PDGFC: variants seen among roughly 807,000 people sequenced by gnomAD.
The protein encoded by PDGFC is platelet-derived growth factor C.
In PDGFC, 12 loss-of-function variants were observed where a neutral mutation model predicts 35.5. That is an observed-to-expected ratio of 0.34 (90% confidence interval 0.22 to 0.55). PDGFC has a LOEUF of 0.55. Among genes scored for constraint, PDGFC ranks in the 20% least tolerant of loss-of-function variants. PDGFC has a pLI of 0.91. For synonymous variants in PDGFC, 159 were observed against 148.8 expected (o/e 1.07, Z -0.50); for missense variants, 322 against 412.4 (o/e 0.78, Z 1.90).
chr4:156,912,707 G>T (rs1352715316), intron 1 of PDGFC, among the ~76,000 whole-genome samples: 10 of 151,764 alleles, frequency 6.6e-5, no homozygotes, highest in Admixed American at 6.6e-4. Context: ...TCTTAAGGGA[G>T]AAAATGGGAA....
intron 1 of PDGFC, among the ~76,000 whole-genome samples, chr4:156,966,102 A>G (rs1344843858): frequency 2.0e-5 from 3 of 152,334 alleles, no homozygotes; most frequent in African/African-American, 7.2e-5. Context: ...ACTGGTGCAT[A>G]CTAAATGATT....
At chr4:156,781,760 G>A (rs1032339071) in intron 3 of PDGFC, among the ~76,000 whole-genome samples, 11 of 152,152 alleles carry the variant, frequency 7.2e-5, no homozygotes, top group African/African-American at 2.7e-4. Flanking sequence ...GTGTGTGTCT[G>A]TAGGAACAGG....
chr4:156,831,060 A>G (rs963941728), intron 2 of PDGFC, among the ~76,000 whole-genome samples: 4 of 152,208 alleles, frequency 2.6e-5, no homozygotes, highest in Non-Finnish European at 5.9e-5. Flanking sequence ...CCCAATATTT[A>G]GCATGGTATT....
intron 1 of PDGFC, among the ~76,000 whole-genome samples, chr4:156,891,760 C>T (rs1730517144): frequency 6.6e-6 from 1 of 152,130 alleles, no homozygotes; most frequent in African/African-American, 2.4e-5. Context: ...AATATGTGTC[C>T]TAAGACATAG....
chr4:156,969,518 A>C (rs1215795393), intron 1 of PDGFC, among the ~76,000 whole-genome samples: 2 of 152,244 alleles, frequency 1.3e-5, no homozygotes, highest in Non-Finnish European at 2.9e-5. Context: ...CAGAATCCTT[A>C]TTTTATCTAC....
At chr4:156,788,990 T>C (rs1172031484) in intron 3 of PDGFC, among the ~76,000 whole-genome samples, 2 of 152,224 alleles carry the variant, frequency 1.3e-5, no homozygotes, top group Non-Finnish European at 2.9e-5. Context: ...GTTTTGAGTA[T>C]AGAATTATAT....
chr4:156,960,378 T>C (rs1329828171), intron 1 of PDGFC, among the ~76,000 whole-genome samples: 1 of 151,052 alleles, frequency 6.6e-6, no homozygotes, highest in African/African-American at 2.4e-5. Flanking sequence ...CATGAAAATG[T>C]ATTGCCTCTA....
intron 1 of PDGFC, among the ~76,000 whole-genome samples, chr4:156,964,822 A>C (rs1732427308): frequency 6.6e-6 from 1 of 152,136 alleles, no homozygotes; most frequent in Admixed American, 6.5e-5. Context: ...GGGTCTTTCC[A>C]ACTCTAACAT....
intron 1 of PDGFC, among the ~76,000 whole-genome samples, chr4:156,898,154 A>T (rs1248186090): frequency 6.6e-6 from 1 of 152,100 alleles, no homozygotes; most frequent in African/African-American, 2.4e-5. Flanking sequence ...AATAAAAGAA[A>T]CCCAGAGAGC....
intron 1 of PDGFC, among the ~76,000 whole-genome samples, chr4:156,894,463 T>C (rs2111202618): frequency 6.6e-6 from 1 of 152,320 alleles, no homozygotes; most frequent in Non-Finnish European, 1.5e-5. Context: ...AATAATCCAT[T>C]ACAGCAAGGT....
rs567357724 is a variant in PDGFC, at chr4:156,960,090, A to G, written c.118+10696T>C. 2.8e-4 allele frequency among the ~76,000 whole-genome samples: 42 copies of G among 151,902 alleles called. No homozygotes were observed. The South Asian group carries it at 7.7e-3, about 28-fold the overall frequency. On this transcript the variant is annotated intron_variant, in intron 1 of 5. Coordinates refer to ENST00000502773, the MANE Select transcript of PDGFC (RefSeq NM_016205.3). ...CTTTTTAAAGGGTTAGTATTTATCA[A>G]TTAGGTATCTCGACTCAGCATCTCT...
intron 1 of PDGFC, among the ~76,000 whole-genome samples, chr4:156,912,016 G>C (rs1390977685): frequency 1.3e-5 from 2 of 152,088 alleles, no homozygotes; most frequent in Non-Finnish European, 1.5e-5. Context: ...AGAAACTAGA[G>C]TATGAATCTG....
At chr4:156,935,186 C>G (rs910583490) in intron 1 of PDGFC, among the ~76,000 whole-genome samples, 1 of 152,018 alleles carries the variant, frequency 6.6e-6, no homozygotes, top group African/African-American at 2.4e-5. Context: ...TTCATACAGA[C>G]GGGGTTTCAC....
chr4:156,874,987 G>C (rs547594939), intron 1 of PDGFC, among the ~76,000 whole-genome samples: 3 of 151,990 alleles, frequency 2.0e-5, no homozygotes, highest in Admixed American at 2.0e-4. Flanking sequence ...CAAAGTGCTG[G>C]GATTACAAGC....
chr4:156,861,417 C>A, intron 1 of PDGFC: 1 of 1,116,924 alleles, frequency 9.0e-7, no homozygotes, highest in Non-Finnish European at 1.2e-6. Flanking sequence ...TAAAAATATA[C>A]GTTTTGCTTA....
At chr4:156,871,026 T>C (rs1172923275) in intron 1 of PDGFC, among the ~76,000 whole-genome samples, 1 of 152,238 alleles carries the variant, frequency 6.6e-6, no homozygotes. Context: ...AACAAAATGA[T>C]TCTTCACAAG....
intron 4 of PDGFC, among the ~76,000 whole-genome samples, chr4:156,768,940 T>C (rs1465621533): frequency 6.6e-6 from 1 of 151,994 alleles, no homozygotes; most frequent in African/African-American, 2.4e-5. Flanking sequence ...ACATATCACA[T>C]GAATAGTAGG....
At chr4:156,944,777 C>T (rs564025666) in intron 1 of PDGFC, among the ~76,000 whole-genome samples, 11 of 152,252 alleles carry the variant, frequency 7.2e-5, no homozygotes, top group African/African-American at 2.6e-4. Context: ...GTCACTATCA[C>T]GGCATTTGCT....
chr4:156,879,158 A>C (rs934039143), intron 1 of PDGFC, among the ~76,000 whole-genome samples: 11 of 152,070 alleles, frequency 7.2e-5, no homozygotes, highest in African/African-American at 2.4e-4. Context: ...GGGATTCTTT[A>C]TTGCTCTTTG....
Sources: allele counts gnomAD v4.1 joint callset (sites outside exome capture counted in the v4.1 genomes callset), GRCh38; gene constraint gnomAD v4.1.1; transcripts MANE v1.5; gene names NCBI Gene and HGNC (gene_info 2026-07-23, HGNC 2026-07-21).